Variants in DCTN4 observed in about 807,000 individuals in gnomAD.
DCTN4 encodes the protein dynactin subunit 4.
In DCTN4, 23 loss-of-function variants were observed where a neutral mutation model predicts 62.7. The observed-to-expected ratio is 0.37, with a 90% CI of 0.26 to 0.52. The LOEUF (loss-of-function observed/expected upper bound fraction) is 0.52. Ranked by LOEUF, DCTN4 falls within the 20% of genes least tolerant of loss-of-function variation. The pLI is 0.92. For missense variants in DCTN4, 514 were observed against 580.4 expected (o/e 0.89, Z 1.18); for synonymous variants, 199 against 202.1 (o/e 0.98, Z 0.13).
chr5:150,724,403 TTTTCA>T (rs1760065307), intron 8 of DCTN4, among the ~76,000 whole-genome samples: 1 of 152,214 alleles, frequency 6.6e-6, no homozygotes, highest in Non-Finnish European at 1.5e-5. Context: ...GTGGCTTATC[TTTTCA>T]TTTCTTTATG....
intron 4 of DCTN4, among the ~76,000 whole-genome samples, chr5:150,741,646 G>A (rs1314228252): frequency 1.3e-5 from 2 of 151,472 alleles, no homozygotes; most frequent in Non-Finnish European, 2.9e-5. Flanking sequence ...ACACTCAGCT[G>A]AATTTTTAAT....
At chr5:150,745,135 G>A (rs1760913736) in intron 3 of DCTN4, among the ~76,000 whole-genome samples, 1 of 150,542 alleles carries the variant, frequency 6.6e-6, no homozygotes, top group Non-Finnish European at 1.5e-5. Context: ...GGCAGGGGTT[G>A]CAATCCTAGT....
intron 12 of DCTN4, among the ~76,000 whole-genome samples, chr5:150,713,440 C>CTTTTT: frequency 6.8e-6 from 1 of 148,098 alleles, no homozygotes; most frequent in Non-Finnish European, 1.5e-5. Context: ...TTTTTCTTTT[C>CTTTTT]TTTTCTTTTT....
At chr5:150,741,999 G>C (rs1760785674) in intron 4 of DCTN4, 115 bp downstream of exon 4, 3 of 870,398 alleles carry the variant, frequency 3.4e-6, no homozygotes, top group Non-Finnish European at 5.9e-6. Context: ...TATGTGCAAA[G>C]ACGTATTATG....
intron 4 of DCTN4, among the ~76,000 whole-genome samples, chr5:150,741,121 T>C (rs557217409): frequency 7.1e-6 from 1 of 140,646 alleles, no homozygotes; most frequent in Non-Finnish European, 1.5e-5. Flanking sequence ...GCTGTGATCA[T>C]GCAACTGCAT....
chr5:150,732,621 C>T (rs1444171677), intron 5 of DCTN4, among the ~76,000 whole-genome samples: 1 of 152,124 alleles, frequency 6.6e-6, no homozygotes, highest in Non-Finnish European at 1.5e-5. Flanking sequence ...TAAAGTAATA[C>T]ATGTAAAGTG....
intron 12 of DCTN4, among the ~76,000 whole-genome samples, chr5:150,715,228 C>T (rs1277973045): frequency 6.6e-6 from 1 of 152,002 alleles, no homozygotes; most frequent in Non-Finnish European, 1.5e-5. Context: ...TGTCCACAAC[C>T]ATTAAAATCA....
chr5:150,720,528 G>T (rs1432098283), intron 9 of DCTN4, among the ~76,000 whole-genome samples: 1 of 151,232 alleles, frequency 6.6e-6, no homozygotes, highest in African/African-American at 2.4e-5. Context: ...ACCCAGGCTG[G>T]AGTGTAACGG....
At chr5:150,735,259 A>G (rs1487416821) in intron 4 of DCTN4, among the ~76,000 whole-genome samples, 1 of 152,196 alleles carries the variant, frequency 6.6e-6, no homozygotes, top group African/African-American at 2.4e-5. Context: ...CTGCCCTCAA[A>G]AGGAGAAAAC....
chr5:150,717,790 C>T (rs1380332551), intron 11 of DCTN4, among the ~76,000 whole-genome samples: 1 of 152,122 alleles, frequency 6.6e-6, no homozygotes, highest in Non-Finnish European at 1.5e-5. Flanking sequence ...AAGTTTATAA[C>T]CCATTGGATC....
chr5:150,741,096 T>C (rs1408206329), intron 4 of DCTN4, among the ~76,000 whole-genome samples: 2 of 147,848 alleles, frequency 1.4e-5, no homozygotes, highest in Non-Finnish European at 3.0e-5. Context: ...GCCTGGGAGG[T>C]TGAGGCTGCA....
At chr5:150,758,594 A>G in intron 1 of DCTN4, 5 of 1,211,988 alleles carry the variant, frequency 4.1e-6, no homozygotes, top group Non-Finnish European at 5.2e-6. Context: ...ACCAAGCCCC[A>G]TCGCAGACAG....
chr5:150,740,920 G>C (rs959310109), intron 4 of DCTN4, among the ~76,000 whole-genome samples: 1 of 152,048 alleles, frequency 6.6e-6, no homozygotes, highest in Non-Finnish European at 1.5e-5. Flanking sequence ...AAGGGGGTGA[G>C]GATAAAATAC....
In DCTN4 at chr5:150,709,330, C is replaced by T. The variant is rs1411178197; in HGVS notation, c.*1819G>A. 1.3e-5 allele frequency: 2 copies of T among 152,360 alleles called. No homozygotes were observed. Among genetic ancestry groups the T allele is most frequent in the Non-Finnish European group, 2.9e-5 (2 of 68,040 alleles). 9.4% of individuals were successfully genotyped at this position (152,360 alleles called of 1,614,324 possible). On this transcript the variant is annotated 3_prime_UTR_variant, in exon 13 of 13. Coordinates refer to ENST00000447998, the MANE Select transcript of DCTN4 (RefSeq NM_016221.4). Reference sequence around the variant, plus strand: ...ATAAATACCAGCTACCTGCCATAAACGCATGACATGTGTGTAGTCTATGCA... The same window carrying T: ...ATAAATACCAGCTACCTGCCATAAATGCATGACATGTGTGTAGTCTATGCA...
At position 150,712,377 on chromosome 5, in the gene DCTN4, G is replaced by A. The variant is rs1332918743; in HGVS notation, c.1170-1015C>T. ...ACTCCTGATCTCAGGTGATCCACCC[G>A]CCTCAGCCTCCCAAAGTGCTGGGAT... is the stretch of plus-strand genomic sequence containing the variant. On this transcript the variant is annotated intron_variant, in intron 12 of 12. Transcript: ENST00000447998. Among the ~76,000 whole-genome samples the A allele has an allele frequency of 5.3e-5, 8 of 152,208 alleles. No individual in the cohort carries two copies. The East Asian group carries it at 5.8e-4, about 11-fold the overall frequency.
Position 150,710,761 on chromosome 5 carries a change from T to G in DCTN4, c.*388A>C. 1 of 217,160 alleles carries G rather than the reference T, an allele frequency of 4.6e-6. No homozygotes were observed. The highest frequency in any genetic ancestry group is 2.2e-5 in the African/African-American group (1 of 44,658). The allele number at this position is 217,160 out of a possible 1,614,324, so 13.5% of individuals were successfully genotyped here. Reference sequence around the variant, plus strand: ...CATTAACAGCAGGTCTACCTTTGGGTTATCATTTAAGTTTCATCTGTGACA... The same window carrying G: ...CATTAACAGCAGGTCTACCTTTGGGGTATCATTTAAGTTTCATCTGTGACA... On this transcript the variant is annotated 3_prime_UTR_variant, in exon 13 of 13. Coordinates refer to ENST00000447998, the MANE Select transcript of DCTN4 (RefSeq NM_016221.4).
In DCTN4 at chr5:150,710,466, C is replaced by T. The variant is rs1759518757; in HGVS notation, c.*683G>A. The T allele has an allele frequency of 6.6e-6, 1 of 152,312 alleles. No homozygotes were observed. Among genetic ancestry groups the T allele is most frequent in the Admixed American group, 6.6e-5 (1 of 15,266 alleles). 9.4% of individuals were successfully genotyped at this position (152,312 alleles called of 1,614,324 possible). A position where few individuals can be genotyped will look rare whatever the true frequency, so the allele number is the denominator to read the frequency against. ...GCTTCTCAAATTCTTCTTAAAAGAT[C>T]CATATTTTACTGGGAAAAAAATTAA... On this transcript the variant is annotated 3_prime_UTR_variant, in exon 13 of 13. Transcript: ENST00000447998.
rs539767344 is a variant in DCTN4 at position 150,722,355 on chromosome 5, C to T, written c.908+552G>A. Among the ~76,000 whole-genome samples, 68 of 152,242 alleles carry T rather than the reference C, an allele frequency of 4.5e-4. 1 individual carries two copies. The highest frequency in any genetic ancestry group is 2.0e-3 in the Admixed American group (31 of 15,288). ...AAAAGTTTACATTTAATTAGATGAA[C>T]ACTGGGTAAGTTTTAAGTGGCAGTA... On this transcript the variant is annotated intron_variant, in intron 9 of 12. Transcript: ENST00000447998.
chr5:150,723,049 A>G, intron 8 of DCTN4, 69 bp from the exon 9 acceptor site: 1 of 1,157,532 alleles, frequency 8.6e-7, no homozygotes, highest in Non-Finnish European at 1.3e-6. Context: ...TAGAGCTGCT[A>G]AATTCAGAAG....
Sources: allele counts gnomAD v4.1 joint callset (sites outside exome capture counted in the v4.1 genomes callset), GRCh38; gene constraint gnomAD v4.1.1; transcripts MANE v1.5; gene names NCBI Gene and HGNC (gene_info 2026-07-23, HGNC 2026-07-21).